Variants in ENTREP3 observed in about 807,000 individuals in gnomAD.
ENTREP3 encodes endosomal transmembrane epsin interactor 3, also known as protein ENTREP3.
At chr1:155,253,495 A>G in the ENTREP3 span, 18 of 632,490 alleles carry the variant, frequency 2.8e-5, no homozygotes, top group Admixed American at 4.8e-4. Flanking sequence ...ATAGATGAGG[A>G]TAATAGATAA....
the ENTREP3 span, chr1:155,254,005 G>A: frequency 1.9e-6 from 3 of 1,612,556 alleles, no homozygotes; most frequent in South Asian, 1.1e-5. The surrounding 1 kb of genome is among the most constrained non-coding windows in gnomAD (Gnocchi z 4.4). Flanking sequence ...GGGTGAGGCA[G>A]CCTGAGTCAG....
chr1:155,251,260 G>T, the ENTREP3 span: 1 of 1,033,506 alleles, frequency 9.7e-7, no homozygotes, highest in Non-Finnish European at 1.4e-6. Flanking sequence ...GACCAGCCTT[G>T]TCCCTTTGTA....
chr1:155,249,885 CAAA>C, the ENTREP3 span, among the ~76,000 whole-genome samples: 2 of 31,114 alleles, frequency 6.4e-5, no homozygotes. Context: ...GACACCGTCT[CAAA>C]AAAAAAAAAA....
chr1:155,251,292 C>A, the ENTREP3 span: 1 of 813,288 alleles, frequency 1.2e-6, no homozygotes, highest in South Asian at 1.8e-5. Context: ...ATTGTGCAGC[C>A]TCAGCTTCCA....
the ENTREP3 span, chr1:155,250,615 G>A: frequency 6.2e-7 from 1 of 1,609,296 alleles, no homozygotes; most frequent in Non-Finnish European, 8.5e-7. The surrounding 1 kb of genome is among the most constrained non-coding windows in gnomAD (Gnocchi z 5.4). Context: ...CGCCGTGGCA[G>A]GGGGCTTTCC....
chr1:155,250,708 C>T, the ENTREP3 span: 150 of 1,612,970 alleles, frequency 9.3e-5, no homozygotes, highest in Non-Finnish European at 1.3e-4. The surrounding 1 kb of genome is among the most constrained non-coding windows in gnomAD (Gnocchi z 5.4). Context: ...AGAACGTAGT[C>T]CACGGAGCGC....
chr1:155,248,191 G>A, the ENTREP3 span: 2 of 1,610,564 alleles, frequency 1.2e-6, no homozygotes, highest in East Asian at 4.5e-5. Context: ...CCGAGGGCAG[G>A]GGAACTTTTT....
the ENTREP3 span, among the ~76,000 whole-genome samples, chr1:155,249,337 C>T: frequency 1.3e-5 from 2 of 151,894 alleles, no homozygotes; most frequent in African/African-American, 4.8e-5. Flanking sequence ...GTGATCCACC[C>T]ACCTCAGCTT....
the ENTREP3 span, chr1:155,254,589 C>T: frequency 1.5e-5 from 24 of 1,569,508 alleles, no homozygotes; most frequent in Non-Finnish European, 2.0e-5. The surrounding 1 kb of genome is among the most constrained non-coding windows in gnomAD (Gnocchi z 4.4). Context: ...TGTGGACTTG[C>T]AGCTGGTGTG....
chr1:155,248,167 G>A, the ENTREP3 span: 2 of 1,613,872 alleles, frequency 1.2e-6, no homozygotes, highest in Non-Finnish European at 1.7e-6. Context: ...CCAGGGAGTG[G>A]GCAGGTGCAG....
chr1:155,251,516 G>A, the ENTREP3 span: 9 of 1,613,196 alleles, frequency 5.6e-6, no homozygotes, highest in Admixed American at 6.7e-5. Context: ...CTGTCTCCTC[G>A]TAGTCCCATG....
At chr1:155,252,504 G>A in the ENTREP3 span, among the ~76,000 whole-genome samples, 1 of 149,924 alleles carries the variant, frequency 6.7e-6, no homozygotes, top group Non-Finnish European at 1.5e-5. Context: ...CGAGTAGCTG[G>A]GATTACAGGC....
At chr1:155,251,893 G>A in the ENTREP3 span, 40 of 1,441,740 alleles carry the variant, frequency 2.8e-5, no homozygotes, top group African/African-American at 3.7e-4. Flanking sequence ...GAGACTGACC[G>A]CTCAGGGGCC....
the ENTREP3 span, chr1:155,254,613 G>A: frequency 2.0e-5 from 32 of 1,592,228 alleles, no homozygotes; most frequent in African/African-American, 2.3e-4. The surrounding 1 kb of genome is among the most constrained non-coding windows in gnomAD (Gnocchi z 4.4). Context: ...GGTGGGGCCC[G>A]AGGAGCCTCC....
At chr1:155,250,113 C>A in the ENTREP3 span, among the ~76,000 whole-genome samples, 1 of 152,150 alleles carries the variant, frequency 6.6e-6, no homozygotes, top group East Asian at 1.9e-4. The surrounding 1 kb of genome is among the most constrained non-coding windows in gnomAD (Gnocchi z 5.4). Flanking sequence ...ATGTTCTGTC[C>A]CTAGGAGGTG....
the ENTREP3 span, chr1:155,254,407 GTGAA>G: frequency 3.7e-6 from 6 of 1,614,164 alleles, no homozygotes; most frequent in Non-Finnish European, 5.1e-6. This position sits in a 1 kb window ranked among gnomAD's most constrained non-coding sequence, Gnocchi z 4.4. Context: ...TACCACTAGA[GTGAA>G]TGGCCGCTTC....
At chr1:155,255,196 C>G in the ENTREP3 span, 2 of 471,522 alleles carry the variant, frequency 4.2e-6, no homozygotes, top group Admixed American at 3.4e-5. The surrounding 1 kb of genome is among the most constrained non-coding windows in gnomAD (Gnocchi z 5.6). Context: ...AGGGCCGGTC[C>G]AGGAGTGAGG....
At chr1:155,251,203 C>T in the ENTREP3 span, 1 of 1,482,956 alleles carries the variant, frequency 6.7e-7, no homozygotes, top group Non-Finnish European at 9.2e-7. Context: ...GCCCTACACA[C>T]TGAACACCCC....
the ENTREP3 span, among the ~76,000 whole-genome samples, chr1:155,249,316 C>T: frequency 6.6e-6 from 1 of 151,768 alleles, no homozygotes; most frequent in African/African-American, 2.4e-5. Flanking sequence ...GTCTCGAACT[C>T]CCGACCTCAG....
Sources: gnomAD v4.1 joint callset for allele counts (sites outside exome capture counted in the v4.1 genomes callset) on GRCh38, gnomAD v4.1.1 for gene constraint, Gnocchi (gnomAD v3.1) non-coding constraint, MANE v1.5 for transcripts, NCBI Gene and HGNC (gene_info 2026-07-23, HGNC 2026-07-21) for gene names.